CTNNA3: variants seen among roughly 807,000 people sequenced by gnomAD.
CTNNA3 encodes catenin alpha-3.
Under a neutral mutation model 95.7 loss-of-function variants are expected in CTNNA3, and 76 were observed. The observed-to-expected ratio is 0.79, with a 90% CI of 0.66 to 0.96. CTNNA3 has a LOEUF of 0.96. CTNNA3 is among the 40% of genes least tolerant of loss of function. The probability of loss-of-function intolerance (pLI) is 0.00; values close to 1 mark genes in which losing one functional copy is unlikely to be tolerated. For synonymous variants in CTNNA3, 431 were observed against 374.4 expected (o/e 1.15, Z -1.74); for missense variants, 1,191 against 1,089.8 (o/e 1.09, Z -1.31).
chr10:66,532,321 G>T lies in CTNNA3; in HGVS notation c.1375-11548C>A, dbSNP rs1467888689. 2.0e-5 allele frequency among the ~76,000 whole-genome samples: 3 copies of T among 152,052 alleles called. No individual in the cohort carries two copies. The East Asian group carries it at 5.8e-4, about 29-fold the overall frequency. On this transcript the variant is annotated intron_variant, in intron 10 of 17. Coordinates refer to ENST00000433211, the MANE Select transcript of CTNNA3 (RefSeq NM_013266.4). ...ACTAAAAATACAAAAAATTAGCCGG[G>T]CGTGGTGGTAGGTGCCTGAAGTCCC... is the stretch of plus-strand genomic sequence containing the variant.
chr10:67,334,641 G>C (rs1841920719), intron 5 of CTNNA3: 1 of 152,464 alleles, frequency 6.6e-6, no homozygotes, highest in Non-Finnish European at 1.5e-5. Flanking sequence ...GCACTATCAA[G>C]AGAAGGCAAG....
chr10:66,925,958 A>G, intron 7 of CTNNA3: 1 of 454,172 alleles, frequency 2.2e-6, no homozygotes, highest in Non-Finnish European at 4.4e-6. Context: ...TAAAAGAGAG[A>G]CATTTCTGCA....
At chr10:66,579,083 A>C (rs1234480501) in intron 10 of CTNNA3, among the ~76,000 whole-genome samples, 2 of 151,304 alleles carry the variant, frequency 1.3e-5, no homozygotes, top group Non-Finnish European at 3.0e-5. Context: ...AATTTCCAGG[A>C]ATTTATCAAT....
intron 5 of CTNNA3, among the ~76,000 whole-genome samples, chr10:67,281,230 A>G (rs1391375313): frequency 6.6e-6 from 1 of 152,214 alleles, no homozygotes; most frequent in Non-Finnish European, 1.5e-5. Context: ...TAGTAGCAAT[A>G]AAGACCTGTT....
intron 9 of CTNNA3, among the ~76,000 whole-genome samples, chr10:66,649,747 C>T (rs941242179): frequency 1.1e-4 from 16 of 152,202 alleles, no homozygotes; most frequent in African/African-American, 3.4e-4. Context: ...GCCCTAGGCT[C>T]GGGAACAGCC....
At chr10:67,098,907 G>T (rs1037983500) in intron 7 of CTNNA3, 1 of 151,814 alleles carries the variant, frequency 6.6e-6, no homozygotes, top group Non-Finnish European at 1.5e-5. Context: ...TGTGAGACCG[G>T]TATTTTGGAA....
At chr10:66,154,315 C>G (rs1026522529) in intron 13 of CTNNA3, among the ~76,000 whole-genome samples, 1 of 151,752 alleles carries the variant, frequency 6.6e-6, no homozygotes, top group Non-Finnish European at 1.5e-5. Flanking sequence ...CTACTGTAGA[C>G]TTAAACAATC....
At chr10:66,686,822 T>C (rs1347489211) in intron 9 of CTNNA3, among the ~76,000 whole-genome samples, 2 of 152,170 alleles carry the variant, frequency 1.3e-5, no homozygotes, top group Non-Finnish European at 2.9e-5. Flanking sequence ...AAAAAATACC[T>C]GTATGAAGAC....
At chr10:67,275,110 C>G (rs1839137916) in intron 5 of CTNNA3, among the ~76,000 whole-genome samples, 1 of 152,196 alleles carries the variant, frequency 6.6e-6, no homozygotes, top group East Asian at 1.9e-4. Context: ...ATAATAGTAG[C>G]AACGCATATG....
chr10:67,222,272 A>G (rs544132776), intron 5 of CTNNA3, among the ~76,000 whole-genome samples: 65 of 152,234 alleles, frequency 4.3e-4, no homozygotes, highest in African/African-American at 1.4e-3. Flanking sequence ...GTCACTAATC[A>G]CCCAAGAAAA....
intron 13 of CTNNA3, among the ~76,000 whole-genome samples, chr10:66,214,157 C>A (rs913613286): frequency 1.3e-5 from 2 of 152,166 alleles, no homozygotes; most frequent in African/African-American, 2.4e-5. Flanking sequence ...AGGTAGCAAC[C>A]ATTCTACCTC....
At chr10:67,690,828 C>A (rs1254865339) in intron 1 of CTNNA3, among the ~76,000 whole-genome samples, 1 of 152,084 alleles carries the variant, frequency 6.6e-6, no homozygotes, top group African/African-American at 2.4e-5. Context: ...TTAATGAGTG[C>A]TTCCTTCATC....
chr10:67,660,839 G>A (rs1840163023), intron 1 of CTNNA3, among the ~76,000 whole-genome samples: 1 of 151,414 alleles, frequency 6.6e-6, no homozygotes, highest in African/African-American at 2.4e-5. Flanking sequence ...GCTGAGACAG[G>A]AGAATGGCTT....
chr10:67,346,302 T>C (rs1240983522), intron 5 of CTNNA3, among the ~76,000 whole-genome samples: 1 of 152,190 alleles, frequency 6.6e-6, no homozygotes, highest in Non-Finnish European at 1.5e-5. Context: ...TGTATTTCTG[T>C]GTACTTACTA....
chr10:66,578,152 A>G (rs1843064246), intron 10 of CTNNA3, among the ~76,000 whole-genome samples: 1 of 152,002 alleles, frequency 6.6e-6, no homozygotes, highest in African/African-American at 2.4e-5. Flanking sequence ...TAGAAATGCT[A>G]CTGATTTTTA....
intron 6 of CTNNA3, among the ~76,000 whole-genome samples, chr10:67,188,313 T>A (rs1862958098): frequency 6.6e-6 from 1 of 152,092 alleles, no homozygotes; most frequent in Non-Finnish European, 1.5e-5. Flanking sequence ...CTGGGCAACA[T>A]AGTGAAACCC....
chr10:66,101,863 C>A (rs2081645552), intron 14 of CTNNA3, among the ~76,000 whole-genome samples: 1 of 151,984 alleles, frequency 6.6e-6, no homozygotes, highest in Non-Finnish European at 1.5e-5. Flanking sequence ...GAATAGAAAT[C>A]CAAAGGATTC....
At chr10:67,276,701 G>T (rs1292368296) in intron 5 of CTNNA3, among the ~76,000 whole-genome samples, 1 of 152,050 alleles carries the variant, frequency 6.6e-6, no homozygotes, top group Non-Finnish European at 1.5e-5. Flanking sequence ...AAAATAATAT[G>T]TGAGGGGAAT....
intron 15 of CTNNA3, among the ~76,000 whole-genome samples, chr10:66,020,049 C>T (rs1732803643): frequency 6.6e-6 from 1 of 152,182 alleles, no homozygotes; most frequent in South Asian, 2.1e-4. Flanking sequence ...TATTTCAAAA[C>T]TTATTCTTTC....
Sources: gnomAD v4.1 joint callset for allele counts (sites outside exome capture counted in the v4.1 genomes callset) on GRCh38, gnomAD v4.1.1 for gene constraint, MANE v1.5 for transcripts, NCBI Gene and HGNC (gene_info 2026-07-23, HGNC 2026-07-21) for gene names.